NLRP7: variants seen among roughly 807,000 people sequenced by gnomAD.
NLRP7 encodes the protein NLR family pyrin domain containing 7.
In NLRP7, 72 loss-of-function variants were observed where a neutral mutation model predicts 85.5. The observed-to-expected ratio is 0.84, with a 90% CI of 0.70 to 1.02. The LOEUF is 1.02. Among genes scored for constraint, NLRP7 ranks in the 50% least tolerant of loss-of-function variants. The probability of loss-of-function intolerance (pLI) is 0.00; values close to 1 mark genes in which losing one functional copy is unlikely to be tolerated. For synonymous variants in NLRP7, 550 were observed against 505.2 expected, an observed-to-expected ratio of 1.09 and a Z score of -1.19; for missense variants, 1,243 against 1,219.5, an observed-to-expected ratio of 1.02 and a Z score of -0.29.
At chr19:54,923,524 CTAACTT>C in exon 10 of NLRP7, 1 of 617,464 alleles carries the variant, frequency 1.6e-6, no homozygotes, top group Non-Finnish European at 2.9e-6. Context: ...CGAGAGTGCT[CTAACTT>C]TATTATCCCT....
intron 1 of NLRP7, among the ~76,000 whole-genome samples, chr19:54,956,722 C>T (rs2069869056): frequency 6.6e-6 from 1 of 151,038 alleles, no homozygotes; most frequent in Non-Finnish European, 1.5e-5. Context: ...GGCGCAGTGG[C>T]TCACGCCTAT....
At chr19:54,952,719 T>C (rs1041593352) in intron 1 of NLRP7, among the ~76,000 whole-genome samples, 30 of 152,038 alleles carry the variant, frequency 2.0e-4, no homozygotes, top group African/African-American at 6.8e-4. Flanking sequence ...ACCCGGCAAA[T>C]TGACTCACAG....
rs750367888 is a variant in NLRP7 at position 54,940,928 on chromosome 19, C to A, written c.352+3G>T. Reference sequence around the variant, plus strand: ...TCATGACCATAGGACCGTATTTACCCACCTGGCTTTGCTAACTCCGAGTCT... The same window carrying A: ...TCATGACCATAGGACCGTATTTACCAACCTGGCTTTGCTAACTCCGAGTCT... On this transcript the variant is annotated splice_donor_region_variant and intron_variant, in intron 3 of 9. Transcript: ENST00000340844. 6.3e-7 allele frequency: 1 copy of A among 1,590,964 alleles called. No homozygotes were observed. The highest frequency in any genetic ancestry group is 8.6e-7 in the Non-Finnish European group (1 of 1,158,888).
At chr19:54,930,028 T>G (rs1222498227) in intron 9 of NLRP7, among the ~76,000 whole-genome samples, 2 of 137,864 alleles carry the variant, frequency 1.5e-5, no homozygotes, top group Admixed American at 8.1e-5. Flanking sequence ...GGCAGGAGAA[T>G]AGCGAGAACC....
intron 1 of NLRP7, among the ~76,000 whole-genome samples, chr19:54,942,967 TG>T (rs1337521778): frequency 1.3e-5 from 2 of 150,038 alleles, no homozygotes; most frequent in African/African-American, 2.5e-5. Flanking sequence ...GCCCACATGG[TG>T]AAACCCCATC....
Position 54,959,589 on chromosome 19 carries a change from G to A in NLRP7, c.-77+6451C>T, listed in dbSNP as rs1031854674. 7.3e-5 allele frequency among the ~76,000 whole-genome samples: 11 copies of A among 151,688 alleles called. No individual in the cohort carries two copies. The Admixed American group carries it at 7.3e-4, about 10-fold the overall frequency. ...GCACTTTAGGAGGTTGAGGTGGGAG[G>A]ATCCCTTGAGCCCAGGAGCTCAAGT... On this transcript the variant is annotated intron_variant, in intron 1 of 2. Coordinates refer to the NLRP7 transcript ENST00000587103.
At position 54,939,237 on chromosome 19, in the gene NLRP7, C is replaced by T. The variant is rs770294263; in HGVS notation, c.1582G>A (p.Glu528Lys). The change falls in exon 4 of 10, where the codon GAG (glutamate) becomes AAG (lysine). Residue 528 changes from glutamate to lysine, a missense_variant. Physicochemically the swap from Glu to Lys is moderately conservative, Grantham distance 56. Coordinates refer to ENST00000340844, the Ensembl canonical transcript of NLRP7. Reference sequence around the variant, plus strand: ...GCCTCCAACTCCTTGGCTCTCTTCTCGTTAGCGAGGCCGAATAAGAAGTGT... The same window carrying T: ...GCCTCCAACTCCTTGGCTCTCTTCTTGTTAGCGAGGCCGAATAAGAAGTGT... 9.3e-6 allele frequency: 15 copies of T among 1,614,240 alleles called. 1 individual carries two copies. In the South Asian group the frequency reaches 1.2e-4, roughly 13 times the overall value.
At chr19:54,950,566 C>A (rs1414745510), upstream of NLRP7, among the ~76,000 whole-genome samples, 1 of 152,160 alleles carries the variant, frequency 6.6e-6, no homozygotes, top group Non-Finnish European at 1.5e-5. Flanking sequence ...GCATCATAGA[C>A]AAGGTAAAGA....
At chr19:54,926,162 G>A (rs1000090386) in intron 9 of NLRP7, among the ~76,000 whole-genome samples, 8 of 151,908 alleles carry the variant, frequency 5.3e-5, no homozygotes, top group Non-Finnish European at 1.0e-4. Context: ...CTAAGACCCA[G>A]GACAGCTCTG....
chr19:54,938,117 A>G (rs1307753897), exon 5 of NLRP7: 2 of 1,614,128 alleles, frequency 1.2e-6, no homozygotes, highest in East Asian at 2.2e-5. Context: ...TCACTCAGGA[A>G]GCTTTGTTTC....
chr19:54,954,222 A>C (rs2069772900), intron 1 of NLRP7, among the ~76,000 whole-genome samples: 2 of 148,118 alleles, frequency 1.4e-5, no homozygotes, highest in South Asian at 4.2e-4. Context: ...ATATCCATAG[A>C]AATAACCATA....
intron 1 of NLRP7, among the ~76,000 whole-genome samples, chr19:54,957,008 GTATTTATT>G (rs150396854): frequency 4.7e-5 from 7 of 150,398 alleles, no homozygotes; most frequent in Middle Eastern, 3.5e-3. Flanking sequence ...ATGTATGTAT[GTATTTATT>G]TATTTATTTA....
rs77128509 is a variant in NLRP7 at position 54,936,249 on chromosome 19, C to T, written c.2300+12G>A. The T allele has an allele frequency of 7.2e-4, 1,160 of 1,611,612 alleles. 6 individuals carry two copies. The African/African-American group carries it at 0.013, about 18-fold the overall frequency. On this transcript the variant is annotated intron_variant, in intron 6 of 9. Transcript: ENST00000340844. ...TCCAGGTGCTGGGGAGAGCCGTGAC[C>T]GTGAGACCCACCTCAGGTACTGCAG...
rs573076545 is a variant in NLRP7 at position 54,943,448 on chromosome 19, AC to A, written c.-39-1699del. Reference sequence around the variant, plus strand: ...AACCCCGTCTCTACTAAAAATACAAACAATTAGCCGGGCGTGGTGGCGGGCG... The same window carrying A: ...AACCCCGTCTCTACTAAAAATACAAAAATTAGCCGGGCGTGGTGGCGGGCG... On this transcript the variant is annotated intron_variant, in intron 1 of 9. Coordinates refer to ENST00000340844, the Ensembl canonical transcript of NLRP7. 7.9e-5 allele frequency among the ~76,000 whole-genome samples: 12 copies of A among 151,864 alleles called. No homozygotes were observed. In the South Asian group the frequency reaches 2.5e-3, roughly 32 times the overall value.
At chr19:54,958,850 A>C (rs1382615368) in intron 1 of NLRP7, among the ~76,000 whole-genome samples, 1 of 152,110 alleles carries the variant, frequency 6.6e-6, no homozygotes, top group Non-Finnish European at 1.5e-5. Context: ...AAGGGCTCAC[A>C]ACACTAAAGA....
chr19:54,958,469 G>C (rs574590411), intron 1 of NLRP7, among the ~76,000 whole-genome samples: 3 of 150,336 alleles, frequency 2.0e-5, no homozygotes, highest in Admixed American at 6.6e-5. Context: ...GTGAAACCCT[G>C]TCTCTACTAA....
chr19:54,963,921 C>G (rs1222731140), intron 1 of NLRP7, among the ~76,000 whole-genome samples: 1 of 150,370 alleles, frequency 6.7e-6, no homozygotes, highest in Non-Finnish European at 1.5e-5. Flanking sequence ...CACTCTGTCG[C>G]CCAGGGTGGA....
intron 9 of NLRP7, among the ~76,000 whole-genome samples, chr19:54,926,205 G>GGGGTGTGTGTGT (rs375777486): frequency 4.9e-5 from 7 of 143,744 alleles, no homozygotes; most frequent in African/African-American, 1.5e-4. Context: ...AATGATTAGG[G>GGGGTGTGTGTGT]GTGTGTGTGT....
chr19:54,946,646 TCTTTGTTTTTTGAGACGGAGTCGCA>T (rs1293172211), intron 1 of NLRP7, among the ~76,000 whole-genome samples: 2 of 151,324 alleles, frequency 1.3e-5, no homozygotes, highest in African/African-American at 4.9e-5. Flanking sequence ...GGTCTGGCCT[TCTTTGTTTTTTGAGACGGAGTCGCA>T]CTCTGTCTCC....
Sources: allele counts gnomAD v4.1 joint callset (sites outside exome capture counted in the v4.1 genomes callset), GRCh38; gene constraint gnomAD v4.1.1; transcripts MANE v1.5; gene names NCBI Gene and HGNC (gene_info 2026-07-23, HGNC 2026-07-21).